Variants in NXPH1 observed in about 807,000 individuals in gnomAD.
NXPH1 encodes neurexophilin-1.
Under a neutral mutation model 23.7 loss-of-function variants are expected in NXPH1, and 5 were observed. That is an observed-to-expected ratio of 0.21 (90% CI 0.11 to 0.44). The LOEUF (loss-of-function observed/expected upper bound fraction) is 0.44, where lower values mean the gene tolerates loss of function less well. Ranked by LOEUF, NXPH1 falls within the 20% of genes least tolerant of loss-of-function variation. NXPH1 has a pLI of 0.99. For missense variants in NXPH1, 324 were observed against 321.6 expected (o/e 1.01, Z -0.06); for synonymous variants, 144 against 122.2 (o/e 1.18, Z -1.18).
At chr7:8,692,604 C>T (rs142028539) in intron 2 of NXPH1, among the ~76,000 whole-genome samples, 2 of 152,152 alleles carry the variant, frequency 1.3e-5, no homozygotes, top group Non-Finnish European at 2.9e-5. Context: ...GGCCTATTAT[C>T]TGGAAAAGTG....
At chr7:8,694,579 T>C (rs1176804957) in intron 2 of NXPH1, among the ~76,000 whole-genome samples, 4 of 152,228 alleles carry the variant, frequency 2.6e-5, no homozygotes, top group Admixed American at 2.6e-4. Flanking sequence ...AAACGGGTTA[T>C]AATAACACAT....
chr7:8,643,221 G>T (rs1820345787), intron 2 of NXPH1, among the ~76,000 whole-genome samples: 1 of 151,948 alleles, frequency 6.6e-6, no homozygotes, highest in Non-Finnish European at 1.5e-5. Flanking sequence ...TATATAATTA[G>T]TATGATAAAT....
At chr7:8,522,908 T>A (rs1024603809) in intron 2 of NXPH1, among the ~76,000 whole-genome samples, 1 of 152,232 alleles carries the variant, frequency 6.6e-6, no homozygotes, top group Non-Finnish European at 1.5e-5. Flanking sequence ...AGTGTTACAA[T>A]GTGTCACAGA....
intron 2 of NXPH1, among the ~76,000 whole-genome samples, chr7:8,450,134 A>G (rs758823314): frequency 2.0e-5 from 3 of 152,304 alleles, no homozygotes; most frequent in Middle Eastern, 3.4e-3. Context: ...CTTCTAACAA[A>G]TCACACTCAT....
chr7:8,573,080 T>C (rs1193023211), intron 2 of NXPH1, among the ~76,000 whole-genome samples: 2 of 151,664 alleles, frequency 1.3e-5, no homozygotes, highest in African/African-American at 2.4e-5. Context: ...ATCCAGTCTT[T>C]CTCTGAGTTT....
chr7:8,481,769 C>A (rs1280726701), intron 2 of NXPH1, among the ~76,000 whole-genome samples: 1 of 152,042 alleles, frequency 6.6e-6, no homozygotes, highest in Non-Finnish European at 1.5e-5. Context: ...TATGAATGAT[C>A]CCATTTCCCA....
chr7:8,482,680 T>G (rs1285176575), intron 2 of NXPH1, among the ~76,000 whole-genome samples: 1 of 152,214 alleles, frequency 6.6e-6, no homozygotes, highest in East Asian at 1.9e-4. Context: ...GACTTCTTTC[T>G]GCTAAATCCA....
At position 8,434,341 on chromosome 7, in the gene NXPH1, C is replaced by A. The variant is rs1362931077; in HGVS notation, c.-525C>A. 1 of 153,412 alleles carries A rather than the reference C, an allele frequency of 6.5e-6. No homozygotes were observed. 9.5% of individuals were successfully genotyped at this position (153,412 alleles called of 1,614,324 possible). A position where few individuals can be genotyped will look rare whatever the true frequency, so the allele number is the denominator to read the frequency against. The stretch of plus-strand genomic sequence containing the variant: ...ACCATCCTCAGGCAGCTGTGGGAAG[C>A]CGAGAGTCCTGGACTGTTCGTCCGG... On this transcript the variant is annotated 5_prime_UTR_variant, in exon 1 of 3. Transcript: ENST00000405863. This position sits in a 1 kb window ranked among gnomAD's most constrained non-coding sequence, Gnocchi z 7.6.
intron 2 of NXPH1, among the ~76,000 whole-genome samples, chr7:8,455,179 T>C (rs1021058781): frequency 3.3e-5 from 5 of 152,126 alleles, no homozygotes; most frequent in African/African-American, 1.2e-4. Flanking sequence ...ACCCACTATA[T>C]TGTCAGTTCT....
chr7:8,457,917 G>T (rs1006586141), intron 2 of NXPH1, among the ~76,000 whole-genome samples: 1 of 152,138 alleles, frequency 6.6e-6, no homozygotes, highest in Admixed American at 6.5e-5. Flanking sequence ...AAGAACCAAG[G>T]CCAGGAATGG....
chr7:8,665,727 C>T lies in NXPH1; in HGVS notation c.55-85281C>T, dbSNP rs867926462. On this transcript the variant is annotated intron_variant, in intron 2 of 2. Coordinates refer to ENST00000405863, the MANE Select transcript of NXPH1 (RefSeq NM_152745.3). Reference sequence around the variant, plus strand: ...TAGTTTTCAGTGCACAGATCTTTTACCTTCTTAGCTGAATTATTTTAAAGT... The same window carrying T: ...TAGTTTTCAGTGCACAGATCTTTTATCTTCTTAGCTGAATTATTTTAAAGT... Among the ~76,000 whole-genome samples, 8 of 151,882 alleles carry T rather than the reference C, an allele frequency of 5.3e-5. No homozygotes were observed. In the South Asian group the frequency reaches 6.2e-4, roughly 12 times the overall value.
intron 2 of NXPH1, among the ~76,000 whole-genome samples, chr7:8,682,051 T>A (rs1821061729): frequency 1.3e-5 from 2 of 152,062 alleles, no homozygotes; most frequent in African/African-American, 4.8e-5. Context: ...AGCATGCCAG[T>A]GGAAGGGTCT....
chr7:8,537,510 T>C (rs531462739), intron 2 of NXPH1, among the ~76,000 whole-genome samples: 7 of 151,950 alleles, frequency 4.6e-5, no homozygotes, highest in Non-Finnish European at 1.0e-4. Flanking sequence ...TCAGATCTCA[T>C]GAAAACTCAT....
chr7:8,704,849 T>A (rs1214422123), intron 2 of NXPH1, among the ~76,000 whole-genome samples: 1 of 152,086 alleles, frequency 6.6e-6, no homozygotes, highest in Non-Finnish European at 1.5e-5. Flanking sequence ...GTAGGTTAAG[T>A]CAGCTTTCAG....
intron 2 of NXPH1, among the ~76,000 whole-genome samples, chr7:8,642,870 T>C (rs1313740232): frequency 6.6e-6 from 1 of 150,670 alleles, no homozygotes; most frequent in Non-Finnish European, 1.5e-5. Context: ...CCTTTTTCTT[T>C]TCTTATTTTT....
chr7:8,476,054 A>C (rs1816965376), intron 2 of NXPH1, among the ~76,000 whole-genome samples: 1 of 152,186 alleles, frequency 6.6e-6, no homozygotes, highest in South Asian at 2.1e-4. Context: ...TACATGATGC[A>C]AGTAATGTTC....
intron 2 of NXPH1, among the ~76,000 whole-genome samples, chr7:8,743,188 T>C (rs1302072918): frequency 6.6e-6 from 1 of 152,208 alleles, no homozygotes. Flanking sequence ...AATAGTTTTT[T>C]TTTTAAACAT....
At chr7:8,559,313 A>G (rs1417343620) in intron 2 of NXPH1, among the ~76,000 whole-genome samples, 1 of 151,672 alleles carries the variant, frequency 6.6e-6, no homozygotes, top group Non-Finnish European at 1.5e-5. Context: ...AATTTGATTG[A>G]AAAAGAAAAG....
At chr7:8,630,236 A>G (rs1027355732) in intron 2 of NXPH1, among the ~76,000 whole-genome samples, 1 of 152,102 alleles carries the variant, frequency 6.6e-6, no homozygotes, top group Admixed American at 6.6e-5. Flanking sequence ...TCCTACTAAG[A>G]CATGTTCTAA....
Sources: allele counts gnomAD v4.1 joint callset (sites outside exome capture counted in the v4.1 genomes callset), GRCh38; gene constraint gnomAD v4.1.1; non-coding constraint Gnocchi (gnomAD v3.1); transcripts MANE v1.5; gene names NCBI Gene and HGNC (gene_info 2026-07-23, HGNC 2026-07-21).